Variants in STKLD1 observed in about 807,000 individuals in gnomAD.
STKLD1 encodes the protein serine/threonine kinase-like domain-containing protein STKLD1.
In STKLD1, 79 loss-of-function variants were observed where a neutral mutation model predicts 80.4. The observed-to-expected ratio is 0.98, with a 90% confidence interval of 0.82 to 1.19. STKLD1 has a LOEUF of 1.19. Ranked by LOEUF, STKLD1 falls within the 50% of genes most tolerant of loss-of-function variation. The pLI is 0.00. For synonymous variants in STKLD1, 393 were observed against 357.6 expected, an observed-to-expected ratio of 1.10 and a Z score of -1.12; for missense variants, 841 against 856.0, an observed-to-expected ratio of 0.98 and a Z score of 0.22.
rs1838333035 is a variant in STKLD1 at position 133,389,419 on chromosome 9, T to C, written c.397-107T>C. On this transcript the variant is annotated intron_variant, in intron 5 of 17. Coordinates refer to ENST00000371957, the MANE Select transcript of STKLD1 (RefSeq NM_153710.5). The surrounding 1 kb of genome is among the most constrained non-coding windows in gnomAD (Gnocchi z 6.4). Reference sequence around the variant, plus strand: ...GGCTGGCTTCAGGCCTGTCTCAAGATGCAAGGAGAGGATACACCACCATCC... The same window carrying C: ...GGCTGGCTTCAGGCCTGTCTCAAGACGCAAGGAGAGGATACACCACCATCC... 1.3e-6 allele frequency: 2 copies of C among 1,507,282 alleles called. No individual in the cohort carries two copies. Among genetic ancestry groups the C allele is most frequent in the Admixed American group, 4.1e-5 (2 of 49,074 alleles). The allele number at this position is 1,507,282 out of a possible 1,614,324, so 93.4% of individuals were successfully genotyped here. A position where few individuals can be genotyped will look rare whatever the true frequency, so the allele number is the denominator to read the frequency against.
chr9:133,395,870 C>T (rs1468864689), intron 9 of STKLD1, 107 bp downstream of exon 9: 3 of 1,130,608 alleles, frequency 2.7e-6, no homozygotes, highest in Non-Finnish European at 3.8e-6. Flanking sequence ...CAAAGAACTC[C>T]ATCACAGATG....
intron 5 of STKLD1, among the ~76,000 whole-genome samples, chr9:133,388,160 G>T (rs935484595): frequency 1.3e-5 from 2 of 152,178 alleles, no homozygotes; most frequent in South Asian, 4.1e-4. Flanking sequence ...ACAGATTTCC[G>T]ACTTGGTTTG....
chr9:133,382,545 T>C (rs1564375404), intron 2 of STKLD1, among the ~76,000 whole-genome samples: 1 of 150,836 alleles, frequency 6.6e-6, no homozygotes, highest in African/African-American at 2.4e-5. Context: ...ATAATGGTGA[T>C]GGTGGTGATG....
intron 9 of STKLD1, chr9:133,396,015 C>T: frequency 2.9e-6 from 1 of 342,284 alleles, no homozygotes; most frequent in Non-Finnish European, 5.3e-6. Flanking sequence ...GCCCCCAGGA[C>T]CCACGACACT....
At chr9:133,396,567 A>T (rs1258403437) in intron 9 of STKLD1, among the ~76,000 whole-genome samples, 1 of 152,116 alleles carries the variant, frequency 6.6e-6, no homozygotes. Flanking sequence ...CAGCCTGGCC[A>T]ACAGAGCGAA....
In STKLD1 at chr9:133,385,796, G is replaced by A. The variant is rs1044612965; in HGVS notation, c.294+105G>A. On this transcript the variant is annotated intron_variant, in intron 4 of 17. Transcript: ENST00000371957. The surrounding 1 kb of genome is among the most constrained non-coding windows in gnomAD (Gnocchi z 4.9). ...CCACCCCCCACTGTCAGAATAGCTC[G>A]TGTGGCAATGGCAGTGACTGTAAAC... is the stretch of plus-strand genomic sequence containing the variant. The A allele has an allele frequency of 1.7e-5, 18 of 1,048,944 alleles. No individual in the cohort carries two copies. Among genetic ancestry groups the A allele is most frequent in the South Asian group, 2.8e-5 (2 of 71,948 alleles). 65.0% of individuals were successfully genotyped at this position (1,048,944 alleles called of 1,614,324 possible). A position where few individuals can be genotyped will look rare whatever the true frequency, so the allele number is the denominator to read the frequency against.
chr9:133,387,282 G>C (rs1838284817), intron 4 of STKLD1, among the ~76,000 whole-genome samples, 165 bp from the exon 5 acceptor site: 1 of 152,116 alleles, frequency 6.6e-6, no homozygotes, highest in Non-Finnish European at 1.5e-5. Flanking sequence ...AGGAGAGAGA[G>C]GAAGCTGAAG....
At position 133,394,547 on chromosome 9, in the gene STKLD1, C is replaced by A. The variant is rs781852496; in HGVS notation, c.702+138C>A. 2 of 692,730 alleles carry A rather than the reference C, an allele frequency of 2.9e-6. No individual in the cohort carries two copies. Among genetic ancestry groups the A allele is most frequent in the South Asian group, 3.3e-5 (2 of 60,304 alleles). 42.9% of individuals were successfully genotyped at this position (692,730 alleles called of 1,614,324 possible). A position where few individuals can be genotyped will look rare whatever the true frequency, so the allele number is the denominator to read the frequency against. The stretch of plus-strand genomic sequence containing the variant: ...TGCAGGCTGCACAGAGCCCTCTTCT[C>A]CACCTGCGAGGGGCCTGCCCTCCTC... On this transcript the variant is annotated intron_variant, in intron 8 of 17. Coordinates refer to ENST00000371957, the MANE Select transcript of STKLD1 (RefSeq NM_153710.5). This position sits in a 1 kb window ranked among gnomAD's most constrained non-coding sequence, Gnocchi z 4.9.
At position 133,400,429 on chromosome 9, in the gene STKLD1, G is replaced by T. The variant is rs141819823; in HGVS notation, c.1098G>T (p.Pro366=). The change falls in exon 12 of 18, where the codon CCG becomes CCT. Residue 366 remains proline (P), a synonymous_variant. Coordinates refer to ENST00000371957, the MANE Select transcript of STKLD1 (RefSeq NM_153710.5). ...PADQLGLPWP[P]ELVEVVVTTM... ...CCCTGCCAGGTCTGCCGTGGCCCCC[G>T]GAGCTGGTGGAGGTGGTGGTCACGA... 1.2e-6 allele frequency: 2 copies of T among 1,612,818 alleles called. No homozygotes were observed. The highest frequency in any genetic ancestry group is 1.3e-5 in the African/African-American group (1 of 74,936).
At chr9:133,382,629 GTGA>G (rs964024510) in intron 2 of STKLD1, among the ~76,000 whole-genome samples, 4 of 151,430 alleles carry the variant, frequency 2.6e-5, no homozygotes, top group African/African-American at 9.7e-5. Context: ...TATGGTCGTG[GTGA>G]TGATGTGATG....
At chr9:133,380,062 G>A (rs1446873054) in intron 2 of STKLD1, among the ~76,000 whole-genome samples, 1 of 152,064 alleles carries the variant, frequency 6.6e-6, no homozygotes, top group African/African-American at 2.4e-5. Flanking sequence ...TGGAGATGGA[G>A]TCTTGCTCTG....
In STKLD1 at chr9:133,378,936, C is replaced by T. The variant is rs1588733670; in HGVS notation, c.88-100C>T. On this transcript the variant is annotated intron_variant, in intron 1 of 17. Transcript: ENST00000371957. Reference sequence around the variant, plus strand: ...GGAGCCACTTGCTCTGCCAGCCTGACAGGGGAGTTAGCAGGGCCAGAAAAG... The same window carrying T: ...GGAGCCACTTGCTCTGCCAGCCTGATAGGGGAGTTAGCAGGGCCAGAAAAG... The T allele has an allele frequency of 1.9e-5, 19 of 1,025,644 alleles. No homozygotes were observed. In the East Asian group the frequency reaches 4.7e-4, roughly 25 times the overall value. The allele number at this position is 1,025,644 out of a possible 1,614,324, so 63.5% of individuals were successfully genotyped here.
intron 14 of STKLD1, 147 bp from the exon 15 acceptor site, chr9:133,403,553 G>A (rs1838763191): frequency 9.7e-7 from 1 of 1,028,040 alleles, no homozygotes; most frequent in Non-Finnish European, 1.4e-6. Flanking sequence ...GCTAACCCCT[G>A]CACCCGTCTC....
intron 13 of STKLD1, 121 bp downstream of exon 13, chr9:133,401,999 AG>A (rs1327006115): frequency 8.1e-7 from 1 of 1,240,108 alleles, no homozygotes. Flanking sequence ...CCTCCTCCTG[AG>A]ATACATGGTG....
At chr9:133,386,899 G>A (rs1588741343) in intron 4 of STKLD1, among the ~76,000 whole-genome samples, 1 of 152,332 alleles carries the variant, frequency 6.6e-6, no homozygotes, top group Middle Eastern at 3.4e-3. Context: ...CCCCTCACAC[G>A]CTCCCTCTGC....
Position 133,389,385 on chromosome 9 carries a change from T to G in STKLD1, c.397-141T>G. The G allele has an allele frequency of 6.9e-7, 1 of 1,456,816 alleles. No homozygotes were observed. The highest frequency in any genetic ancestry group is 9.1e-7 in the Non-Finnish European group (1 of 1,100,704). 90.2% of individuals were successfully genotyped at this position (1,456,816 alleles called of 1,614,324 possible). On this transcript the variant is annotated intron_variant, in intron 5 of 17. Transcript: ENST00000371957. This position sits in a 1 kb window ranked among gnomAD's most constrained non-coding sequence, Gnocchi z 6.4. Reference sequence around the variant, plus strand: ...CACCACGCTGAAGCCTCCTCCACCCTGAGCGCTTGGCTGGCTTCAGGCCTG... The same window carrying G: ...CACCACGCTGAAGCCTCCTCCACCCGGAGCGCTTGGCTGGCTTCAGGCCTG...
At position 133,385,722 on chromosome 9, in the gene STKLD1, C is replaced by T; in HGVS notation, c.294+31C>T. 6.2e-7 allele frequency: 1 copy of T among 1,604,624 alleles called. No individual in the cohort carries two copies. The highest frequency in any genetic ancestry group is 8.5e-7 in the Non-Finnish European group (1 of 1,173,010). On this transcript the variant is annotated intron_variant, in intron 4 of 17. Coordinates refer to ENST00000371957, the MANE Select transcript of STKLD1 (RefSeq NM_153710.5). The surrounding 1 kb of genome is among the most constrained non-coding windows in gnomAD (Gnocchi z 4.9). ...TCAGAGCTGACACCTACGGGCTCAG[C>T]CGCCACGCAGTGGGCTGCAGGACCA... is the stretch of plus-strand genomic sequence containing the variant.
In STKLD1 at chr9:133,387,594, G is replaced by C. The variant is rs2130280159; in HGVS notation, c.396+46G>C. ...AGGCCTGGGGGCCACCTAGACCTGT[G>C]ACACAGGCCCTGCGGTGCAGGGCAA... On this transcript the variant is annotated intron_variant, in intron 5 of 17. Transcript: ENST00000371957. The C allele has an allele frequency of 2.7e-6, 4 of 1,491,610 alleles. No homozygotes were observed. In the Admixed American group the frequency reaches 6.7e-5, roughly 25 times the overall value. 92.4% of individuals were successfully genotyped at this position (1,491,610 alleles called of 1,614,324 possible).
intron 14 of STKLD1, among the ~76,000 whole-genome samples, chr9:133,403,354 G>C (rs1218366226): frequency 6.6e-6 from 1 of 151,878 alleles, no homozygotes; most frequent in East Asian, 1.9e-4. Flanking sequence ...TGTGGTGCTG[G>C]ATGCCCTGTT....
Sources: allele counts gnomAD v4.1 joint callset (sites outside exome capture counted in the v4.1 genomes callset), GRCh38; gene constraint gnomAD v4.1.1; non-coding constraint Gnocchi (gnomAD v3.1); transcripts MANE v1.5; gene names NCBI Gene and HGNC (gene_info 2026-07-23, HGNC 2026-07-21).